The following STOX2 variants were observed in gnomAD, a reference collection of about 807,000 sequenced individuals.
STOX2 encodes storkhead box 2, also known as storkhead-box protein 2.
A neutral mutation model predicts 60.9 loss-of-function variants in STOX2; 28 were observed. The observed-to-expected ratio is 0.46, with a 90% CI of 0.34 to 0.63. The LOEUF (loss-of-function observed/expected upper bound fraction) is 0.63, where lower values mean the gene tolerates loss of function less well. STOX2 is among the 30% of genes least tolerant of loss of function. STOX2 has a pLI of 0.01. For synonymous variants in STOX2, 472 were observed against 463.9 expected (o/e 1.02, Z -0.22); for missense variants, 1,024 against 1,187.7 (o/e 0.86, Z 2.03).
At chr4:183,831,989 C>CTTT (rs11310177) in intron 1 of STOX2, among the ~76,000 whole-genome samples, 11 of 135,826 alleles carry the variant, frequency 8.1e-5, no homozygotes, top group South Asian at 2.3e-4. Flanking sequence ...TCTTCTTCTT[C>CTTT]TTTTTTTTTT....
chr4:183,814,690 G>C (rs1315571880), intron 1 of STOX2, among the ~76,000 whole-genome samples: 1 of 152,210 alleles, frequency 6.6e-6, no homozygotes, highest in Non-Finnish European at 1.5e-5. Context: ...CCAGAGCCTG[G>C]CACGGTTTAC....
At chr4:183,988,054 G>C (rs1040391403) in intron 1 of STOX2, 1 of 151,800 alleles carries the variant, frequency 6.6e-6, no homozygotes, top group Non-Finnish European at 1.5e-5. Context: ...GCATGGGAGG[G>C]GACCTGGGCC....
intron 1 of STOX2, among the ~76,000 whole-genome samples, chr4:183,977,067 C>A (rs1402234884): frequency 6.6e-6 from 1 of 152,088 alleles, no homozygotes; most frequent in Non-Finnish European, 1.5e-5. Context: ...TTAGGGATGT[C>A]AGTGTAGTTG....
chr4:183,989,186 T>G (rs998938396), intron 1 of STOX2, among the ~76,000 whole-genome samples: 2,026 of 56,076 alleles, frequency 0.036, 53 homozygotes, highest in African/African-American at 0.12. Context: ...TTTTTTTTTT[T>G]TTTTTTTGTT....
chr4:183,941,044 C>G (rs935713313), intron 1 of STOX2, among the ~76,000 whole-genome samples: 3 of 152,292 alleles, frequency 2.0e-5, no homozygotes, highest in South Asian at 2.1e-4. Flanking sequence ...AAGCTCAGAT[C>G]TAGCTTCTTT....
intron 1 of STOX2, among the ~76,000 whole-genome samples, chr4:183,985,862 T>C (rs891177604): frequency 6.6e-6 from 1 of 152,216 alleles, no homozygotes; most frequent in African/African-American, 2.4e-5. Context: ...GTGCGTGTGC[T>C]TATTAGGCAC....
intron 1 of STOX2, among the ~76,000 whole-genome samples, chr4:183,870,934 T>G (rs2111162980): frequency 6.6e-6 from 1 of 152,362 alleles, no homozygotes; most frequent in East Asian, 1.9e-4. Flanking sequence ...CTTGAAATCT[T>G]ATATGATTCT....
intron 1 of STOX2, among the ~76,000 whole-genome samples, chr4:183,826,587 A>G (rs7655990): frequency 0.063 from 9,538 of 152,280 alleles, 942 homozygotes; most frequent in African/African-American, 0.22. Context: ...AAGAGCAAGA[A>G]CTTGGTATCA....
chr4:183,966,060 G>C (rs1293628306), intron 1 of STOX2, among the ~76,000 whole-genome samples: 7 of 151,752 alleles, frequency 4.6e-5, no homozygotes, highest in African/African-American at 1.7e-4. Flanking sequence ...AAGAGAGAGG[G>C]GGGCAGGGAG....
At chr4:183,914,503 G>A (rs951541688) in intron 1 of STOX2, among the ~76,000 whole-genome samples, 3 of 152,220 alleles carry the variant, frequency 2.0e-5, no homozygotes, top group Non-Finnish European at 4.4e-5. Context: ...GAAGAATGCA[G>A]TAAATGACCA....
chr4:183,829,420 C>T (rs1000776448), intron 1 of STOX2, among the ~76,000 whole-genome samples: 10 of 152,194 alleles, frequency 6.6e-5, no homozygotes, highest in South Asian at 2.1e-4. Flanking sequence ...ATTTGTTTGT[C>T]TTTGTCACAC....
chr4:183,891,248 G>T (rs1394850187), intron 1 of STOX2, among the ~76,000 whole-genome samples: 4 of 151,094 alleles, frequency 2.6e-5, no homozygotes. Context: ...ATTAATTAAT[G>T]AGTGGATAAA....
At chr4:183,820,022 A>C (rs181460562) in intron 1 of STOX2, among the ~76,000 whole-genome samples, 1 of 152,332 alleles carries the variant, frequency 6.6e-6, no homozygotes, top group Admixed American at 6.5e-5. Context: ...ATTAGTTCAT[A>C]GTTCTTCTTT....
At chr4:183,989,062 G>C (rs190156645) in intron 1 of STOX2, among the ~76,000 whole-genome samples, 26 of 152,192 alleles carry the variant, frequency 1.7e-4, no homozygotes, top group Non-Finnish European at 3.2e-4. Context: ...AGCAGGATTT[G>C]CCAATAGGAA....
At position 184,010,547 on chromosome 4, in the gene STOX2, G is replaced by T; in HGVS notation, c.1709G>T (p.Cys570Phe). ...GGCAGCAAGGAACCGTCCAGCGCTT[G>T]CAGCCTTTTGGAGCCAGGAAAACCA... ...VSGSKEPSSA[C>F]SLLEPGKPPE... The change falls in exon 3 of 4, where the codon TGC becomes TTC. Residue 570 changes from cysteine to phenylalanine, a missense_variant. This residue lies in a region of STOX2 where 922 missense variants were observed against 1,058.3 expected (regional missense o/e 0.87). Transcript: ENST00000308497. The surrounding 1 kb of genome is among the most constrained non-coding windows in gnomAD (Gnocchi z 4.5). 1 of 1,613,898 alleles carries T rather than the reference G, an allele frequency of 6.2e-7. No homozygotes were observed.
chr4:183,997,717 A>G (rs1489844632), intron 1 of STOX2, among the ~76,000 whole-genome samples: 1 of 152,170 alleles, frequency 6.6e-6, no homozygotes, highest in African/African-American at 2.4e-5. Flanking sequence ...ATGGGAAAGG[A>G]GTTGAAAGTA....
At chr4:183,938,669 C>CAAAAAAAAAAAAAAAAAAAAAAAAA (rs10577405) in intron 1 of STOX2, among the ~76,000 whole-genome samples, 1 of 82,512 alleles carries the variant, frequency 1.2e-5, no homozygotes, top group Non-Finnish European at 2.4e-5. Context: ...ACTCCGTCTC[C>CAAAAAAAAAAAAAAAAAAAAAAAAA]AAAAAAAAAA....
intron 1 of STOX2, among the ~76,000 whole-genome samples, chr4:183,858,646 C>T (rs1352763181): frequency 6.6e-6 from 1 of 152,182 alleles, no homozygotes; most frequent in Non-Finnish European, 1.5e-5. Context: ...GAAAACCACA[C>T]ATTTCACCAT....
At chr4:184,003,246 C>T (rs184383463) in intron 2 of STOX2, among the ~76,000 whole-genome samples, 225 of 152,296 alleles carry the variant, frequency 1.5e-3, no homozygotes, top group African/African-American at 5.1e-3. Context: ...AGAAATCACA[C>T]GGCTTTTCTG....
Sources: allele counts gnomAD v4.1 joint callset (sites outside exome capture counted in the v4.1 genomes callset), GRCh38; gene constraint gnomAD v4.1.1; regional missense constraint gnomAD v4.1.1; non-coding constraint Gnocchi (gnomAD v3.1); transcripts MANE v1.5; gene names NCBI Gene and HGNC (gene_info 2026-07-23, HGNC 2026-07-21).